Variants in PLEKHA2 observed in about 807,000 individuals in gnomAD.
The protein encoded by PLEKHA2 is pleckstrin homology domain-containing family A member 2.
In PLEKHA2, 28 loss-of-function variants were observed where a neutral mutation model predicts 53.2. That is an observed-to-expected ratio of 0.53 (90% CI 0.39 to 0.72). The LOEUF (loss-of-function observed/expected upper bound fraction) is 0.72. Ranked by LOEUF, PLEKHA2 falls within the 30% of genes least tolerant of loss-of-function variation. The pLI is 0.00. For synonymous variants in PLEKHA2, 193 were observed against 196.4 expected, an observed-to-expected ratio of 0.98 and a Z score of 0.14; for missense variants, 426 against 537.9, an observed-to-expected ratio of 0.79 and a Z score of 2.06.
intron 3 of PLEKHA2, among the ~76,000 whole-genome samples, chr8:38,941,530 T>TA (rs1834613153): frequency 6.6e-6 from 1 of 152,228 alleles, no homozygotes; most frequent in Admixed American, 6.5e-5. Flanking sequence ...CTTCACTTTG[T>TA]ATGTAGGAGG....
chr8:38,954,890 C>T (rs1158461633), intron 9 of PLEKHA2, among the ~76,000 whole-genome samples: 2 of 152,046 alleles, frequency 1.3e-5, no homozygotes, highest in African/African-American at 2.4e-5. Context: ...AAAAATTAGC[C>T]GGGCATGGTG....
intron 10 of PLEKHA2, among the ~76,000 whole-genome samples, chr8:38,960,396 T>G: frequency 6.6e-6 from 1 of 152,130 alleles, no homozygotes. Flanking sequence ...GGAGGAGAGT[T>G]TGAGCCCTGG....
intron 11 of PLEKHA2, 76 bp downstream of exon 11, chr8:38,968,745 G>A: frequency 6.6e-7 from 1 of 1,513,988 alleles, no homozygotes; most frequent in Non-Finnish European, 9.2e-7. Flanking sequence ...TTTATTTGGT[G>A]ATGTAGGCAA....
At chr8:38,910,308 G>A (rs1400438250) in intron 1 of PLEKHA2, among the ~76,000 whole-genome samples, 1 of 152,142 alleles carries the variant, frequency 6.6e-6, no homozygotes, top group Admixed American at 6.6e-5. Flanking sequence ...TCTTGGTTTG[G>A]TTTGGTGTTT....
intron 1 of PLEKHA2, among the ~76,000 whole-genome samples, chr8:38,903,185 G>T (rs1424608024): frequency 6.6e-6 from 1 of 152,234 alleles, no homozygotes; most frequent in Non-Finnish European, 1.5e-5. Context: ...TTATTAGTCC[G>T]GATGTTGCCT....
At chr8:38,953,455 A>G in intron 9 of PLEKHA2, 88 bp downstream of exon 9, 1 of 1,270,346 alleles carries the variant, frequency 7.9e-7, no homozygotes. Context: ...ACTCTATGCA[A>G]GAGTCATCTT....
At chr8:38,950,772 C>T in intron 5 of PLEKHA2, 78 bp from the exon 6 acceptor site, 1 of 1,524,476 alleles carries the variant, frequency 6.6e-7, no homozygotes, top group Non-Finnish European at 8.9e-7. Context: ...TTTCTCACGG[C>T]AGCCCCATTC....
chr8:38,955,944 G>A (rs1286194958), intron 9 of PLEKHA2, among the ~76,000 whole-genome samples: 1 of 152,094 alleles, frequency 6.6e-6, no homozygotes. Flanking sequence ...CCGAGTAGCT[G>A]GGACTATAGA....
At chr8:38,914,143 G>A (rs1043095097) in intron 1 of PLEKHA2, among the ~76,000 whole-genome samples, 3 of 152,046 alleles carry the variant, frequency 2.0e-5, no homozygotes, top group African/African-American at 7.3e-5. Flanking sequence ...CCTGTTTCTC[G>A]CCTGCTTTGC....
intron 2 of PLEKHA2, 56 bp from the exon 3 acceptor site, chr8:38,935,938 T>C (rs1834486506): frequency 1.9e-6 from 3 of 1,550,322 alleles, no homozygotes; most frequent in Non-Finnish European, 2.7e-6. Context: ...CTTGGTCTTC[T>C]GTCTCTTGGT....
rs536852437 is a variant in PLEKHA2 at position 38,929,981 on chromosome 8, G to A, written c.142-6013G>A. On this transcript the variant is annotated intron_variant, in intron 2 of 11. Coordinates refer to ENST00000617275, the MANE Select transcript of PLEKHA2 (RefSeq NM_021623.2). Reference sequence around the variant, plus strand: ...TGGGTAAAAATTTCTTCTTCAACAAGAAATACTGCTGTTGCTAGAAAAAGG... The same window carrying A: ...TGGGTAAAAATTTCTTCTTCAACAAAAAATACTGCTGTTGCTAGAAAAAGG... Among the ~76,000 whole-genome samples, 7 of 152,286 alleles carry A rather than the reference G, an allele frequency of 4.6e-5. No homozygotes were observed. In the South Asian group the frequency reaches 1.4e-3, roughly 32 times the overall value.
intron 2 of PLEKHA2, among the ~76,000 whole-genome samples, chr8:38,929,061 C>A (rs1455783062): frequency 1.3e-5 from 2 of 152,212 alleles, no homozygotes; most frequent in African/African-American, 4.8e-5. Flanking sequence ...CTGAGCTATA[C>A]CCCCTCTGCA....
chr8:38,953,389 C>T (rs757427270), intron 9 of PLEKHA2, 22 bp downstream of exon 9: 2 of 1,578,664 alleles, frequency 1.3e-6, no homozygotes, highest in Non-Finnish European at 1.7e-6. Flanking sequence ...TGCTTTTTCT[C>T]TTCTAATCCA....
intron 2 of PLEKHA2, among the ~76,000 whole-genome samples, chr8:38,933,550 G>C (rs985000281): frequency 7.2e-5 from 11 of 152,008 alleles, no homozygotes; most frequent in Non-Finnish European, 1.5e-4. Context: ...GGTCAGGGGT[G>C]GTGGACCCTT....
At chr8:38,942,023 C>A (rs1834621204) in intron 3 of PLEKHA2, among the ~76,000 whole-genome samples, 1 of 152,184 alleles carries the variant, frequency 6.6e-6, no homozygotes, top group Non-Finnish European at 1.5e-5. Context: ...CATTGTTAGA[C>A]CCTAACTGCT....
chr8:38,946,297 G>A (rs893287860), intron 5 of PLEKHA2, 76 bp downstream of exon 5: 1 of 1,287,152 alleles, frequency 7.8e-7, no homozygotes, highest in Non-Finnish European at 1.1e-6. Flanking sequence ...TGGGGTTGGG[G>A]AAAACTGAGA....
chr8:38,943,001 C>T (rs564995527), intron 3 of PLEKHA2, among the ~76,000 whole-genome samples: 2 of 152,276 alleles, frequency 1.3e-5, no homozygotes, highest in South Asian at 2.1e-4. Context: ...CTGAGGGCAG[C>T]GAGCAGCCTG....
At chr8:38,911,251 T>TC (rs1401313666) in intron 1 of PLEKHA2, among the ~76,000 whole-genome samples, 2 of 150,946 alleles carry the variant, frequency 1.3e-5, no homozygotes, top group Non-Finnish European at 3.0e-5. Flanking sequence ...TTTCTTTTTT[T>TC]TTTGAGAGGG....
intron 5 of PLEKHA2, among the ~76,000 whole-genome samples, chr8:38,950,356 G>A (rs937747992): frequency 6.6e-6 from 1 of 152,104 alleles, no homozygotes; most frequent in African/African-American, 2.4e-5. Flanking sequence ...TTACCCTCCA[G>A]GTTGCCGTTT....
Sources: allele counts gnomAD v4.1 joint callset (sites outside exome capture counted in the v4.1 genomes callset), GRCh38; gene constraint gnomAD v4.1.1; transcripts MANE v1.5; gene names NCBI Gene and HGNC (gene_info 2026-07-23, HGNC 2026-07-21).